Variants in FAM222B observed in about 807,000 individuals in gnomAD.
FAM222B encodes the protein protein FAM222B.
FAM222B carries 12 observed loss-of-function variants against 38.0 expected under a neutral mutation model. That is an observed-to-expected ratio of 0.32 (90% CI 0.20 to 0.51). The LOEUF (loss-of-function observed/expected upper bound fraction) is 0.51, where lower values mean the gene tolerates loss of function less well. Ranked by LOEUF, FAM222B falls within the 20% of genes least tolerant of loss-of-function variation. The pLI is 0.97. For synonymous variants in FAM222B, 329 were observed against 317.2 expected (o/e 1.04, Z -0.40); for missense variants, 716 against 754.2 (o/e 0.95, Z 0.59).
intron 1 of FAM222B, among the ~76,000 whole-genome samples, chr17:28,792,926 C>CT (rs1199677215): frequency 2.8e-4 from 42 of 150,680 alleles, no homozygotes; most frequent in African/African-American, 9.0e-4. Flanking sequence ...ATTTTTTCAT[C>CT]TTTTTTTTTA....
chr17:28,771,136 T>TAGA (rs1418418459), intron 1 of FAM222B, among the ~76,000 whole-genome samples: 1 of 151,700 alleles, frequency 6.6e-6, no homozygotes, highest in Non-Finnish European at 1.5e-5. Context: ...AGACAGCATA[T>TAGA]AGAAGGCTTT....
At position 28,847,924 on chromosome 17, in the gene FAM222B, A is replaced by G. The variant is rs374280930; in HGVS notation, c.-41+7026T>C. ...GCGAGACTCCGCCTCAAAAAAAAAA[A>G]AAAGAAAAGAAAAGAAAGAAAGAAA... On this transcript the variant is annotated intron_variant, in intron 1 of 2. Transcript: ENST00000577513. Among the ~76,000 whole-genome samples, 13 of 151,942 alleles carry G rather than the reference A, an allele frequency of 8.6e-5. No individual in the cohort carries two copies. In the East Asian group the frequency reaches 2.3e-3, roughly 27 times the overall value.
chr17:28,848,320 C>G (rs1159674567), intron 1 of FAM222B, among the ~76,000 whole-genome samples: 4 of 152,200 alleles, frequency 2.6e-5, no homozygotes, highest in African/African-American at 9.6e-5. Context: ...GAGTTGGTTC[C>G]GAGTTGTGTG....
At chr17:28,770,196 T>C (rs991788155) in intron 1 of FAM222B, among the ~76,000 whole-genome samples, 1 of 152,242 alleles carries the variant, frequency 6.6e-6, no homozygotes, top group African/African-American at 2.4e-5. Flanking sequence ...TGGTTCGTTT[T>C]GTTCATTATT....
In FAM222B at chr17:28,826,542, G is replaced by A. The variant is rs562811381; in HGVS notation, c.-41+16140C>T. ...CTAAACACAAAAAAAACAGCCAGGC[G>A]TGGTGGTGCATGCTTGTAATCTGAG... is the stretch of plus-strand genomic sequence containing the variant. On this transcript the variant is annotated intron_variant, in intron 1 of 2. Transcript: ENST00000581407. 7.9e-5 allele frequency among the ~76,000 whole-genome samples: 12 copies of A among 152,052 alleles called. 1 individual carries two copies. Among genetic ancestry groups the A allele is most frequent in the African/African-American group, 1.2e-4 (5 of 41,520 alleles).
intron 1 of FAM222B, among the ~76,000 whole-genome samples, chr17:28,788,805 A>C (rs911181456): frequency 6.6e-6 from 1 of 151,920 alleles, no homozygotes; most frequent in Admixed American, 6.6e-5. Context: ...GCAGTGATGC[A>C]ATATTGGCTT....
upstream of FAM222B, among the ~76,000 whole-genome samples, chr17:28,846,601 G>A (rs1429796351): frequency 2.0e-5 from 3 of 151,750 alleles, no homozygotes; most frequent in African/African-American, 7.3e-5. Context: ...TCTGGGAGGC[G>A]GAGGTTGCAG....
intron 1 of FAM222B, among the ~76,000 whole-genome samples, chr17:28,801,705 G>A (rs1407896969): frequency 6.6e-6 from 1 of 151,870 alleles, no homozygotes; most frequent in Non-Finnish European, 1.5e-5. Flanking sequence ...CCAGTAAATG[G>A]GACTTTTCCC....
chr17:28,829,396 C>G (rs368103446), intron 1 of FAM222B, among the ~76,000 whole-genome samples: 1 of 150,768 alleles, frequency 6.6e-6, no homozygotes, highest in East Asian at 2.0e-4. Context: ...GTCTCAAACT[C>G]CCGACCTCAG....
intron 1 of FAM222B, among the ~76,000 whole-genome samples, chr17:28,821,758 T>G (rs1299290274): frequency 6.6e-6 from 1 of 151,852 alleles, no homozygotes; most frequent in Non-Finnish European, 1.5e-5. Flanking sequence ...GGTCAGGAGT[T>G]GGAGATCAGC....
intron 1 of FAM222B, among the ~76,000 whole-genome samples, chr17:28,826,806 A>T (rs2038457883): frequency 6.6e-6 from 1 of 152,062 alleles, no homozygotes; most frequent in Non-Finnish European, 1.5e-5. Context: ...ACATAGTAGA[A>T]ACTCAATACA....
rs544080882 is a variant in FAM222B, at chr17:28,794,263, G to C, written c.-40-27556C>G. Reference sequence around the variant, plus strand: ...AGACAGAGTCTTGCTCTGTCACCCAGGCTGGAGTGCAGTGGTGCGATCTCG... The same window carrying C: ...AGACAGAGTCTTGCTCTGTCACCCACGCTGGAGTGCAGTGGTGCGATCTCG... On this transcript the variant is annotated intron_variant, in intron 1 of 2. Coordinates refer to ENST00000581407, the MANE Select transcript of FAM222B (RefSeq NM_001077498.3). 1.0e-3 allele frequency among the ~76,000 whole-genome samples: 154 copies of C among 150,946 alleles called. 1 individual carries two copies. The highest frequency in any genetic ancestry group is 3.5e-3 in the African/African-American group (145 of 41,056).
At chr17:28,783,136 TCA>T (rs2036235426) in intron 1 of FAM222B, among the ~76,000 whole-genome samples, 1 of 125,036 alleles carries the variant, frequency 8.0e-6, no homozygotes. Context: ...AGACCCTGTC[TCA>T]AAAAAAAAAA....
intron 1 of FAM222B, chr17:28,802,619 A>G (rs7208258): frequency 0.056 from 9,438 of 169,406 alleles, 818 homozygotes; most frequent in African/African-American, 0.19. Flanking sequence ...GGAGATGAGG[A>G]CCCCAGATGC....
intron 1 of FAM222B, among the ~76,000 whole-genome samples, chr17:28,820,751 G>A (rs71372396): frequency 0.021 from 3,116 of 151,030 alleles, 50 homozygotes; most frequent in Non-Finnish European, 0.035. Context: ...CTCGTGCCTT[G>A]GCCTCCCGAG....
In FAM222B at chr17:28,758,734, C is replaced by A; in HGVS notation, c.1225G>T (p.Ala409Ser). 5 of 1,581,298 alleles carry A rather than the reference C, an allele frequency of 3.2e-6. No individual in the cohort carries two copies. Among genetic ancestry groups the A allele is most frequent in the Non-Finnish European group, 4.3e-6 (5 of 1,161,700 alleles). The stretch of plus-strand genomic sequence containing the variant: ...GCCAGGCAGAGTTCCTGCGGGTAGG[C>A]AGGGGCCTTGCCCACAAAGCCAGGC... ...AGPGFVGKAP[A>S]YPQELCLAQS... Residue 409 changes from alanine to serine, a missense_variant, in exon 3 of 3, where the codon GCC becomes TCC. Coordinates refer to ENST00000581407, the MANE Select transcript of FAM222B (RefSeq NM_001077498.3).
intron 1 of FAM222B, among the ~76,000 whole-genome samples, chr17:28,778,719 A>ATATTTTT (rs1411311023): frequency 1.2e-4 from 3 of 25,494 alleles, no homozygotes; most frequent in African/African-American, 4.6e-4. Context: ...ATATATATAT[A>ATATTTTT]TTTTTTTTTT....
chr17:28,845,590 A>T (rs962179720), upstream of FAM222B, among the ~76,000 whole-genome samples: 2 of 150,830 alleles, frequency 1.3e-5, no homozygotes, highest in Non-Finnish European at 1.5e-5. Context: ...AAAAAAAAGG[A>T]AAAAAAGAAA....
At chr17:28,788,834 C>T (rs1256091274) in intron 1 of FAM222B, among the ~76,000 whole-genome samples, 1 of 151,818 alleles carries the variant, frequency 6.6e-6, no homozygotes, top group East Asian at 1.9e-4. Flanking sequence ...CACTGCCTCC[C>T]AGGTTCAAAC....
Sources: allele counts gnomAD v4.1 joint callset (sites outside exome capture counted in the v4.1 genomes callset), GRCh38; gene constraint gnomAD v4.1.1; transcripts MANE v1.5; gene names NCBI Gene and HGNC (gene_info 2026-07-23, HGNC 2026-07-21).